The following TTC7B variants were observed in gnomAD, a reference collection of about 807,000 sequenced individuals.
The protein encoded by TTC7B is tetratricopeptide repeat protein 7B.
In TTC7B, 28 loss-of-function variants were observed where a neutral mutation model predicts 106.8. That is an observed-to-expected ratio of 0.26 (90% CI 0.19 to 0.36). TTC7B has a LOEUF of 0.36. Among genes scored for constraint, TTC7B ranks in the 10% least tolerant of loss-of-function variants. The pLI, the probability that TTC7B is intolerant of heterozygous loss-of-function variation, is 1.00. For synonymous variants in TTC7B, 405 were observed against 430.6 expected (o/e 0.94, Z 0.74); for missense variants, 862 against 1,076.4 (o/e 0.80, Z 2.79).
intron 1 of TTC7B, among the ~76,000 whole-genome samples, chr14:90,792,329 C>A (rs993905639): frequency 6.6e-6 from 1 of 152,122 alleles, no homozygotes; most frequent in African/African-American, 2.4e-5. Context: ...GTAATCTCAG[C>A]ACTTTGGGAG....
chr14:90,561,517 A>C (rs539353132), intron 19 of TTC7B, among the ~76,000 whole-genome samples: 1 of 152,344 alleles, frequency 6.6e-6, no homozygotes, highest in East Asian at 1.9e-4. Flanking sequence ...TTGTTGTTAG[A>C]CACCACTGAA....
chr14:90,664,517 C>T (rs1334456667), intron 9 of TTC7B, among the ~76,000 whole-genome samples: 2 of 152,168 alleles, frequency 1.3e-5, no homozygotes, highest in East Asian at 1.9e-4. Flanking sequence ...GCAATCCGCC[C>T]GCCTCGGCCT....
intron 17 of TTC7B, among the ~76,000 whole-genome samples, chr14:90,598,919 G>A (rs377613341): frequency 1.3e-5 from 2 of 152,072 alleles, no homozygotes; most frequent in African/African-American, 2.4e-5. Context: ...AGGCTGAGGC[G>A]GGTGGATCAC....
chr14:90,767,748 G>A (rs573471164), intron 3 of TTC7B, among the ~76,000 whole-genome samples: 3 of 152,264 alleles, frequency 2.0e-5, no homozygotes, highest in African/African-American at 7.2e-5. Flanking sequence ...TTGAAGAAAA[G>A]TGAACAGAGC....
chr14:90,650,308 C>G (rs1337873230), intron 13 of TTC7B, among the ~76,000 whole-genome samples: 2 of 152,158 alleles, frequency 1.3e-5, no homozygotes, highest in African/African-American at 4.8e-5. Context: ...ATTACAGGGG[C>G]CATGGGATTC....
At chr14:90,543,388 C>T (rs958922579) in intron 19 of TTC7B, among the ~76,000 whole-genome samples, 2 of 152,218 alleles carry the variant, frequency 1.3e-5, no homozygotes, top group Admixed American at 1.3e-4. Context: ...TCCTCCCTCC[C>T]CTCACTCTTG....
intron 19 of TTC7B, among the ~76,000 whole-genome samples, chr14:90,574,285 C>A (rs1267751611): frequency 6.6e-5 from 10 of 152,182 alleles, no homozygotes; most frequent in African/African-American, 2.4e-4. Context: ...CAAAAATATG[C>A]CTTTAGATTT....
chr14:90,775,895 A>T (rs1268508069), intron 3 of TTC7B, among the ~76,000 whole-genome samples: 4 of 151,338 alleles, frequency 2.6e-5, no homozygotes, highest in Non-Finnish European at 4.4e-5. Context: ...CCCCATTTTT[A>T]AAATTTCCGG....
At chr14:90,590,232 C>G (rs1595184387) in intron 18 of TTC7B, among the ~76,000 whole-genome samples, 2 of 152,296 alleles carry the variant, frequency 1.3e-5, no homozygotes, top group African/African-American at 4.8e-5. Context: ...GGGCCTGTCC[C>G]CTTACAAAGC....
At chr14:90,636,030 A>T (rs1482777942) in intron 15 of TTC7B, among the ~76,000 whole-genome samples, 1 of 151,322 alleles carries the variant, frequency 6.6e-6, no homozygotes, top group Admixed American at 6.6e-5. Context: ...CTGAGGCAGG[A>T]GACTCACTTG....
At chr14:90,671,024 T>C (rs1416482452) in intron 9 of TTC7B, among the ~76,000 whole-genome samples, 1 of 152,130 alleles carries the variant, frequency 6.6e-6, no homozygotes, top group African/African-American at 2.4e-5. Context: ...CACCTAGCAT[T>C]AGCCAAACAC....
chr14:90,745,402 A>G (rs1029923028), intron 3 of TTC7B, among the ~76,000 whole-genome samples: 1 of 152,110 alleles, frequency 6.6e-6, no homozygotes, highest in African/African-American at 2.4e-5. Context: ...GAAAGCATTA[A>G]GTTTGAGATT....
intron 6 of TTC7B, among the ~76,000 whole-genome samples, chr14:90,691,290 A>C (rs1190420177): frequency 1.3e-5 from 2 of 152,158 alleles, no homozygotes; most frequent in African/African-American, 4.8e-5. Context: ...TCACTACTAG[A>C]TAGCTCATGC....
intron 18 of TTC7B, among the ~76,000 whole-genome samples, chr14:90,590,883 C>G (rs2139819055): frequency 6.6e-6 from 1 of 152,364 alleles, no homozygotes; most frequent in South Asian, 2.1e-4. Context: ...ACAGCACAGT[C>G]TGCTCAGGGT....
At chr14:90,794,784 A>C (rs1891717713) in intron 1 of TTC7B, among the ~76,000 whole-genome samples, 1 of 152,194 alleles carries the variant, frequency 6.6e-6, no homozygotes, top group South Asian at 2.1e-4. Context: ...CCCTCAAAAA[A>C]GGTGAATTCC....
At chr14:90,596,510 C>T (rs1230470731) in intron 17 of TTC7B, among the ~76,000 whole-genome samples, 1 of 152,178 alleles carries the variant, frequency 6.6e-6, no homozygotes, top group Non-Finnish European at 1.5e-5. Flanking sequence ...GCAATTGGCA[C>T]TTTATATGTA....
intron 9 of TTC7B, among the ~76,000 whole-genome samples, chr14:90,672,674 C>T (rs987159443): frequency 1.3e-5 from 2 of 152,208 alleles, no homozygotes; most frequent in African/African-American, 4.8e-5. Context: ...AATTAACATG[C>T]TTTGCACTAT....
intron 18 of TTC7B, among the ~76,000 whole-genome samples, chr14:90,579,831 G>A (rs763904844): frequency 2.0e-4 from 31 of 152,028 alleles, no homozygotes; most frequent in Non-Finnish European, 4.0e-4. Context: ...CAACAACAAC[G>A]AAAAAAACAA....
rs11397777 is a variant in TTC7B, at chr14:90,652,488, T to TAAA, written c.1517+350_1517+352dup. 5.7e-3 allele frequency among the ~76,000 whole-genome samples: 821 copies of TAAA among 143,510 alleles called. 10 individuals are homozygous for TAAA. The highest frequency in any genetic ancestry group is 0.019 in the African/African-American group (741 of 38,776). 94.1% of individuals were successfully genotyped at this position (143,510 alleles called of 152,430 possible). A position where few individuals can be genotyped will look rare whatever the true frequency, so the allele number is the denominator to read the frequency against. ...AACCTGCAGTTTGACATGTTTTTTT[T>TAAA]AAAAAAAAAAAAAAGCTAGAAAAGA... On this transcript the variant is annotated intron_variant, in intron 13 of 19. Coordinates refer to ENST00000328459, the MANE Select transcript of TTC7B (RefSeq NM_001010854.2).
Sources: gnomAD v4.1 joint callset for allele counts (sites outside exome capture counted in the v4.1 genomes callset) on GRCh38, gnomAD v4.1.1 for gene constraint, MANE v1.5 for transcripts, NCBI Gene and HGNC (gene_info 2026-07-23, HGNC 2026-07-21) for gene names.